The following WDR64 variants were observed in gnomAD, a reference collection of about 807,000 sequenced individuals.
The protein encoded by WDR64 is WD repeat domain 64.
In WDR64, 112 loss-of-function variants were observed where a neutral mutation model predicts 139.3. That is an observed-to-expected ratio of 0.80 (90% CI 0.69 to 0.94). WDR64 has a LOEUF of 0.94. Ranked by LOEUF, WDR64 falls within the 40% of genes least tolerant of loss-of-function variation. The pLI is 0.00. For missense variants in WDR64, 1,206 were observed against 1,293.1 expected, an observed-to-expected ratio of 0.93 and a Z score of 1.03; for synonymous variants, 444 against 437.7, an observed-to-expected ratio of 1.01 and a Z score of -0.18.
Position 241,703,115 on chromosome 1 carries a change from G to T in WDR64, c.975-8687G>T, listed in dbSNP as rs377126815. On this transcript the variant is annotated intron_variant, in intron 8 of 27. Coordinates refer to ENST00000437684, the MANE Select transcript of WDR64 (RefSeq NM_001367482.1). The surrounding 1 kb of genome is among the most constrained non-coding windows in gnomAD (Gnocchi z 5.9). ...CTCTTATATCATAAAGGAGAAAAGA[G>T]AAATGCCTTATTCCTTGTTTCCTGC... Among the ~76,000 whole-genome samples, 1 of 152,176 alleles carries T rather than the reference G, an allele frequency of 6.6e-6. No homozygotes were observed. The highest frequency in any genetic ancestry group is 2.4e-5 in the African/African-American group (1 of 41,440).
chr1:241,743,613 C>A (rs147671837), intron 12 of WDR64, among the ~76,000 whole-genome samples: 104 of 152,316 alleles, frequency 6.8e-4, no homozygotes, highest in African/African-American at 2.5e-3. Flanking sequence ...ACCTAGAGTG[C>A]AATCATTCTG....
chr1:241,720,419 A>G (rs1212567617), intron 9 of WDR64, among the ~76,000 whole-genome samples: 1 of 152,176 alleles, frequency 6.6e-6, no homozygotes, highest in Admixed American at 6.5e-5. Flanking sequence ...CACTCCCACC[A>G]ACACTGTAAA....
At chr1:241,678,126 G>C in intron 4 of WDR64, 61 bp from the exon 5 acceptor site, 1 of 398,634 alleles carries the variant, frequency 2.5e-6, no homozygotes, top group East Asian at 3.6e-5. Context: ...TTTAGAGTCA[G>C]CATTCTCATC....
chr1:241,675,793 G>A (rs1337694977), intron 4 of WDR64, among the ~76,000 whole-genome samples: 1 of 152,198 alleles, frequency 6.6e-6, no homozygotes, highest in Non-Finnish European at 1.5e-5. Flanking sequence ...GGTCAAATGA[G>A]AGAATGAGTG....
chr1:241,717,498 C>G (rs1668448444), intron 9 of WDR64, among the ~76,000 whole-genome samples: 1 of 151,868 alleles, frequency 6.6e-6, no homozygotes, highest in South Asian at 2.1e-4. Context: ...CTCATCTCAT[C>G]AAGAGTGATG....
intron 21 of WDR64, among the ~76,000 whole-genome samples, chr1:241,779,234 T>G (rs1658763082): frequency 6.6e-6 from 1 of 152,204 alleles, no homozygotes; most frequent in Non-Finnish European, 1.5e-5. Flanking sequence ...TTTGATGTCA[T>G]TCTTATGTTT....
intron 16 of WDR64, among the ~76,000 whole-genome samples, chr1:241,768,740 G>C (rs1304950243): frequency 6.6e-6 from 1 of 152,128 alleles, no homozygotes. Context: ...AGCCAGGCAT[G>C]ATGTTTCAGT....
chr1:241,735,819 TTCTATCTCTCTC>T (rs72483292), intron 10 of WDR64, among the ~76,000 whole-genome samples: 14,110 of 128,550 alleles, frequency 0.11, 789 homozygotes, highest in Admixed American at 0.16. Context: ...GTCCTTCTCT[TTCTATCTCTCTC>T]TCTCTCTCTC....
rs1325991905 is a variant in WDR64, at chr1:241,656,737, G to A, written c.146-3793G>A. ...GTATATGTGTGCGTGTGTGGAGTTG[G>A]GGGCCTAGGGTGGGGGCTGTCTTGT... On this transcript the variant is annotated intron_variant, in intron 1 of 27. Coordinates refer to ENST00000437684, the MANE Select transcript of WDR64 (RefSeq NM_001367482.1). This position sits in a 1 kb window ranked among gnomAD's most constrained non-coding sequence, Gnocchi z 4.3. 6.6e-6 allele frequency among the ~76,000 whole-genome samples: 1 copy of A among 151,990 alleles called. No individual in the cohort carries two copies. Among genetic ancestry groups the A allele is most frequent in the Non-Finnish European group, 1.5e-5 (1 of 68,002 alleles).
At chr1:241,670,360 T>TCTAGCC (rs1666179333) in intron 2 of WDR64, among the ~76,000 whole-genome samples, 1 of 151,302 alleles carries the variant, frequency 6.6e-6, no homozygotes, top group Non-Finnish European at 1.5e-5. Flanking sequence ...AAAAAAAAAA[T>TCTAGCC]CTAGCCCTGA....
intron 15 of WDR64, among the ~76,000 whole-genome samples, chr1:241,765,621 T>C (rs892437975): frequency 2.0e-5 from 3 of 152,176 alleles, no homozygotes; most frequent in African/African-American, 7.2e-5. Flanking sequence ...CACTCTTCTA[T>C]GATCCTGTCA....
intron 5 of WDR64, 98 bp from the exon 6 acceptor site, chr1:241,679,387 A>T: frequency 2.0e-6 from 2 of 1,017,936 alleles, no homozygotes; most frequent in Non-Finnish European, 3.0e-6. Context: ...AAGGCAGCAA[A>T]ATGGAGCTTT....
At chr1:241,722,200 A>AT (rs1324066713) in intron 9 of WDR64, among the ~76,000 whole-genome samples, 7 of 152,194 alleles carry the variant, frequency 4.6e-5, no homozygotes, top group African/African-American at 1.7e-4. Flanking sequence ...ATTAGCTATC[A>AT]TAAAATGTAA....
chr1:241,770,922 A>C (rs12730652), intron 18 of WDR64, among the ~76,000 whole-genome samples: 5,443 of 152,288 alleles, frequency 0.036, 132 homozygotes, highest in Non-Finnish European at 0.057. Context: ...AAGTTTTTGC[A>C]TTTGTGAATA....
chr1:241,731,744 T>C (rs1323944574), intron 10 of WDR64, among the ~76,000 whole-genome samples: 2 of 152,238 alleles, frequency 1.3e-5, no homozygotes, highest in Non-Finnish European at 2.9e-5. Context: ...ATGCTGGATG[T>C]CTTCATTTTC....
intron 10 of WDR64, among the ~76,000 whole-genome samples, chr1:241,728,823 C>CTTCTTTT (rs772463495): frequency 1.3e-5 from 2 of 148,630 alleles, no homozygotes; most frequent in African/African-American, 4.9e-5. Flanking sequence ...TTCTCTTCTT[C>CTTCTTTT]TTTTTTTTTT....
At chr1:241,727,331 G>C (rs1413571971) in intron 10 of WDR64, among the ~76,000 whole-genome samples, 2 of 152,158 alleles carry the variant, frequency 1.3e-5, no homozygotes, top group East Asian at 1.9e-4. Flanking sequence ...CAAAAGTTGA[G>C]ATCATTCATG....
chr1:241,691,307 T>C (rs377243573), intron 8 of WDR64, among the ~76,000 whole-genome samples: 2 of 152,286 alleles, frequency 1.3e-5, no homozygotes, highest in East Asian at 1.9e-4. Flanking sequence ...TAGATATTAA[T>C]CCAACTATGT....
At chr1:241,680,575 T>C (rs910335537) in intron 6 of WDR64, among the ~76,000 whole-genome samples, 4 of 152,168 alleles carry the variant, frequency 2.6e-5, no homozygotes, top group African/African-American at 9.7e-5. Flanking sequence ...GTTCCAGTCT[T>C]CACTCTCCGT....
Sources: gnomAD v4.1 joint callset for allele counts (sites outside exome capture counted in the v4.1 genomes callset) on GRCh38, gnomAD v4.1.1 for gene constraint, Gnocchi (gnomAD v3.1) non-coding constraint, MANE v1.5 for transcripts, NCBI Gene and HGNC (gene_info 2026-07-23, HGNC 2026-07-21) for gene names.